The following DPH6 variants were observed in gnomAD, a reference collection of about 807,000 sequenced individuals.
The protein encoded by DPH6 is diphthamine biosynthesis 6, also known as diphthine--ammonia ligase.
Under a neutral mutation model 38.2 loss-of-function variants are expected in DPH6, and 33 were observed. The ratio of observed to expected loss-of-function variants is 0.86; its 90% CI spans 0.65 to 1.15. DPH6 has a LOEUF of 1.15. DPH6 is among the 50% of genes most tolerant of loss of function. DPH6 has a pLI of 0.00. For missense variants in DPH6, 325 were observed against 320.0 expected (o/e 1.02, Z -0.12); for synonymous variants, 108 against 103.0 (o/e 1.05, Z -0.30).
chr15:35,470,469 A>C (rs919806866), intron 3 of DPH6, among the ~76,000 whole-genome samples: 2 of 152,222 alleles, frequency 1.3e-5, no homozygotes, highest in African/African-American at 2.4e-5. Context: ...AACTGAACTG[A>C]AACAGGATAA....
intron 3 of DPH6, among the ~76,000 whole-genome samples, chr15:35,336,751 T>C (rs1228690383): frequency 1.3e-5 from 2 of 152,226 alleles, no homozygotes; most frequent in East Asian, 1.9e-4. Flanking sequence ...ATTACATTTA[T>C]TGATTTGCGT....
chr15:35,394,564 G>A (rs1194760668), intron 6 of DPH6, among the ~76,000 whole-genome samples: 1 of 152,192 alleles, frequency 6.6e-6, no homozygotes, highest in Non-Finnish European at 1.5e-5. Context: ...GTTGTAATGA[G>A]GCACAGTGAA....
intron 3 of DPH6, chr15:35,519,833 G>C (rs893237526): frequency 6.6e-6 from 1 of 151,996 alleles, no homozygotes; most frequent in African/African-American, 2.4e-5. Flanking sequence ...AATCTACTAA[G>C]CCTGATATAA....
intron 3 of DPH6, among the ~76,000 whole-genome samples, chr15:35,523,417 T>G (rs1216309267): frequency 1.3e-5 from 2 of 151,922 alleles, no homozygotes; most frequent in Non-Finnish European, 2.9e-5. Flanking sequence ...AAAGAAGAGA[T>G]GTTAACTGTA....
chr15:35,419,603 A>T (rs537224242), intron 5 of DPH6, among the ~76,000 whole-genome samples: 604 of 152,278 alleles, frequency 4.0e-3, no homozygotes, highest in Non-Finnish European at 6.5e-3. Context: ...ATAATAATAA[A>T]AAAGATATTC....
At position 35,538,604 on chromosome 15, in the gene DPH6, T is replaced by C. The variant is rs78639492; in HGVS notation, c.119-137A>G. 2,067 of 698,624 alleles carry C rather than the reference T, an allele frequency of 3.0e-3. 33 individuals are homozygous for C. The East Asian group carries it at 0.041, about 14-fold the overall frequency. The allele number at this position is 698,624 out of a possible 1,614,324, so 43.3% of individuals were successfully genotyped here. A position where few individuals can be genotyped will look rare whatever the true frequency, so the allele number is the denominator to read the frequency against. ...GCTATACTATGTTTCTCTGCATTTA[T>C]GTAGTAAAATAAAAACATAAGAATT... On this transcript the variant is annotated intron_variant, in intron 2 of 8. Coordinates refer to ENST00000256538, the MANE Select transcript of DPH6 (RefSeq NM_080650.4).
the DPH6 span, among the ~76,000 whole-genome samples, chr15:35,145,071 C>A: frequency 6.6e-6 from 1 of 152,084 alleles, no homozygotes; most frequent in East Asian, 1.9e-4. Flanking sequence ...TTAATTACAT[C>A]TTCATTTCTT....
At chr15:35,267,669 C>T (rs1456828556) in intron 3 of DPH6, among the ~76,000 whole-genome samples, 1 of 152,150 alleles carries the variant, frequency 6.6e-6, no homozygotes, top group Non-Finnish European at 1.5e-5. Flanking sequence ...TTTCAGACAC[C>T]TTGTTAATGT....
intron 3 of DPH6, among the ~76,000 whole-genome samples, chr15:35,275,309 C>T (rs1252106024): frequency 6.6e-6 from 1 of 152,148 alleles, no homozygotes; most frequent in Non-Finnish European, 1.5e-5. Context: ...CCCAAATGCC[C>T]ATCAATGGTA....
rs889129903 is a variant in DPH6, at chr15:35,514,187, T to A, written c.312+24087A>T. Among the ~76,000 whole-genome samples, 8 of 121,310 alleles carry A rather than the reference T, an allele frequency of 6.6e-5. No individual in the cohort carries two copies. The East Asian group carries it at 1.8e-3, about 28-fold the overall frequency. The allele number at this position is 121,310 out of a possible 152,430, so 79.6% of individuals were successfully genotyped here. On this transcript the variant is annotated intron_variant, in intron 3 of 8. Transcript: ENST00000256538. ...CCTTATAACTATGTAAATAAAATCT[T>A]ACAACTATGTAGAATCCTCACAAAG...
the DPH6 span, among the ~76,000 whole-genome samples, chr15:35,149,928 C>A: frequency 6.6e-6 from 1 of 152,192 alleles, no homozygotes; most frequent in East Asian, 1.9e-4. Flanking sequence ...AGTGAGTGGA[C>A]AGTGAGTGCA....
At chr15:35,543,214 C>G in intron 1 of DPH6, among the ~76,000 whole-genome samples, 1 of 142,682 alleles carries the variant, frequency 7.0e-6, no homozygotes, top group East Asian at 2.1e-4. Flanking sequence ...GCACTATCAG[C>G]ACTTCAGCCA....
intron 3 of DPH6, among the ~76,000 whole-genome samples, chr15:35,460,730 A>T (rs928925926): frequency 6.6e-6 from 1 of 152,236 alleles, no homozygotes; most frequent in Non-Finnish European, 1.5e-5. Flanking sequence ...TTAGACAAGC[A>T]GGCATCACAG....
intron 3 of DPH6, among the ~76,000 whole-genome samples, chr15:35,292,492 C>T (rs953979238): frequency 3.9e-5 from 6 of 152,028 alleles, no homozygotes; most frequent in African/African-American, 1.4e-4. Flanking sequence ...GCTAAATGTT[C>T]AGGACTAATA....
intron 3 of DPH6, among the ~76,000 whole-genome samples, chr15:35,269,796 T>C (rs995960825): frequency 1.6e-4 from 24 of 147,646 alleles, no homozygotes; most frequent in African/African-American, 5.2e-4. Flanking sequence ...GTTTCTTTTT[T>C]TTTTTTTTTT....
chr15:35,298,372 T>A, intron 3 of DPH6: 1 of 689,682 alleles, frequency 1.4e-6, no homozygotes, highest in Non-Finnish European at 2.7e-6. Flanking sequence ...GATTTAACTC[T>A]CTCAAATTCT....
intron 3 of DPH6, among the ~76,000 whole-genome samples, chr15:35,471,375 A>G (rs1256652659): frequency 2.6e-5 from 4 of 152,110 alleles, no homozygotes; most frequent in African/African-American, 9.7e-5. Context: ...CAGTGCTCCT[A>G]AATCAGATCC....
At chr15:35,434,587 A>T (rs1449083711) in intron 5 of DPH6, among the ~76,000 whole-genome samples, 1 of 152,196 alleles carries the variant, frequency 6.6e-6, no homozygotes, top group African/African-American at 2.4e-5. Flanking sequence ...AATGCATCTA[A>T]AAGTATATGC....
chr15:35,372,848 A>C (rs1289875899), intron 8 of DPH6, among the ~76,000 whole-genome samples: 1 of 151,970 alleles, frequency 6.6e-6, no homozygotes, highest in East Asian at 1.9e-4. Context: ...AAATATACAG[A>C]AGACATTTTC....
Sources: gnomAD v4.1 joint callset for allele counts (sites outside exome capture counted in the v4.1 genomes callset) on GRCh38, gnomAD v4.1.1 for gene constraint, MANE v1.5 for transcripts, NCBI Gene and HGNC (gene_info 2026-07-23, HGNC 2026-07-21) for gene names.